PCSK5: variants seen among roughly 807,000 people sequenced by gnomAD.
The protein encoded by PCSK5 is prohormone convertase 5.
PCSK5 carries 129 observed loss-of-function variants against 233.2 expected under a neutral mutation model. The observed-to-expected ratio is 0.55, with a 90% CI of 0.48 to 0.64. The LOEUF (loss-of-function observed/expected upper bound fraction) is 0.64. Among genes scored for constraint, PCSK5 ranks in the 30% least tolerant of loss-of-function variants. The pLI, the probability that PCSK5 is intolerant of heterozygous loss-of-function variation, is 0.00. For missense variants in PCSK5, 2,076 were observed against 2,430.1 expected, an observed-to-expected ratio of 0.85 and a Z score of 3.06; for synonymous variants, 825 against 879.2, an observed-to-expected ratio of 0.94 and a Z score of 1.09.
chr9:76,323,397 G>T, intron 32 of PCSK5, 109 bp downstream of exon 32: 1 of 685,084 alleles, frequency 1.5e-6, no homozygotes, highest in South Asian at 1.9e-5. Context: ...TTTTGTTTTT[G>T]TTTTGGGACA....
chr9:75,978,887 T>TC (rs1226713284), intron 2 of PCSK5, among the ~76,000 whole-genome samples: 2 of 150,666 alleles, frequency 1.3e-5, no homozygotes, highest in African/African-American at 4.9e-5. Flanking sequence ...TTTCTTTTTT[T>TC]CTGAGATGGA....
chr9:75,894,582 A>G (rs1336095008), intron 1 of PCSK5, among the ~76,000 whole-genome samples: 2 of 152,224 alleles, frequency 1.3e-5, no homozygotes, highest in Non-Finnish European at 2.9e-5. Flanking sequence ...ATACTTAACC[A>G]TAATCATTGT....
At chr9:76,310,976 T>C (rs1828849949) in intron 30 of PCSK5, 125 bp downstream of exon 30, 1 of 648,572 alleles carries the variant, frequency 1.5e-6, no homozygotes, top group East Asian at 2.9e-5. Context: ...AAATGTCCTC[T>C]GTTGACTGAC....
chr9:76,216,914 C>G (rs1825554639), intron 20 of PCSK5, among the ~76,000 whole-genome samples: 1 of 152,172 alleles, frequency 6.6e-6, no homozygotes, highest in South Asian at 2.1e-4. Flanking sequence ...AATTTTGGCT[C>G]ACTGCAACCT....
At chr9:75,986,286 C>A in intron 3 of PCSK5, 41 bp downstream of exon 3, 1 of 1,159,564 alleles carries the variant, frequency 8.6e-7, no homozygotes, top group Non-Finnish European at 1.3e-6. Flanking sequence ...CCATGTCATC[C>A]GGTTTTGTGT....
At chr9:76,065,219 A>G (rs1032590340) in intron 5 of PCSK5, among the ~76,000 whole-genome samples, 19 of 152,340 alleles carry the variant, frequency 1.2e-4, no homozygotes, top group African/African-American at 4.1e-4. Flanking sequence ...GGGACCCGCC[A>G]TACTGTTTTC....
At chr9:76,244,887 A>G (rs1443667133) in intron 24 of PCSK5, among the ~76,000 whole-genome samples, 1 of 152,200 alleles carries the variant, frequency 6.6e-6, no homozygotes, top group Admixed American at 6.5e-5. Context: ...AACATTTTAT[A>G]TAATACTATT....
intron 2 of PCSK5, among the ~76,000 whole-genome samples, chr9:75,944,838 G>T (rs944877011): frequency 6.6e-6 from 1 of 152,134 alleles, no homozygotes; most frequent in African/African-American, 2.4e-5. Flanking sequence ...GTCCAGGCGC[G>T]GTGGCTCACG....
At chr9:76,054,073 G>T (rs1353482404) in intron 5 of PCSK5, among the ~76,000 whole-genome samples, 1 of 152,176 alleles carries the variant, frequency 6.6e-6, no homozygotes, top group African/African-American at 2.4e-5. Flanking sequence ...GAGAGCATGT[G>T]CAGGGAAACT....
chr9:75,986,710 C>T (rs1826532134), intron 3 of PCSK5, among the ~76,000 whole-genome samples: 1 of 152,164 alleles, frequency 6.6e-6, no homozygotes, highest in South Asian at 2.1e-4. Context: ...TGTGTGCACT[C>T]TCACTTTAGG....
rs1262895317 is a variant in PCSK5, at chr9:76,134,162, C to T, written c.1262C>T (p.Ala421Val). Residue 421 changes from alanine to valine, a missense_variant, in exon 10 of 38, where the codon GCG (alanine) becomes GTG (valine). Ala to Val is a moderately conservative substitution (Grantham distance 64). Coordinates refer to ENST00000674117, the MANE Select transcript of PCSK5 (RefSeq NM_001372043.1). The part of the protein sequence containing the change: ...VQHVIVRTSR[A>V]GHLNANDWKT... ...CATGTTATTGTCAGGACTTCCCGTG[C>T]GGGACATTTGAACGCTAATGACTGG... is the stretch of plus-strand genomic sequence containing the variant. 1.9e-6 allele frequency: 3 copies of T among 1,609,322 alleles called. No individual in the cohort carries two copies. The highest frequency in any genetic ancestry group is 2.2e-5 in the East Asian group (1 of 44,646).
intron 22 of PCSK5, among the ~76,000 whole-genome samples, chr9:76,238,557 C>G (rs1826322623): frequency 6.6e-6 from 1 of 152,214 alleles, no homozygotes; most frequent in African/African-American, 2.4e-5. Context: ...GATCATTATG[C>G]ATGTGTTTAT....
At chr9:76,252,707 C>A (rs1190713960) in intron 24 of PCSK5, among the ~76,000 whole-genome samples, 2 of 152,194 alleles carry the variant, frequency 1.3e-5, no homozygotes, top group African/African-American at 4.8e-5. Flanking sequence ...GACACCCTAA[C>A]CCTTTTCATC....
At chr9:75,894,698 T>C (rs933767285) in intron 1 of PCSK5, among the ~76,000 whole-genome samples, 14 of 152,094 alleles carry the variant, frequency 9.2e-5, no homozygotes, top group African/African-American at 2.9e-4. Context: ...GCCCTCTTAG[T>C]ATCTAGTGGA....
At chr9:76,292,200 T>A (rs775323555) in intron 24 of PCSK5, 33 bp from the exon 25 acceptor site, 1 of 1,321,122 alleles carries the variant, frequency 7.6e-7, no homozygotes. Context: ...GAATTCCTCA[T>A]GATTATTACT....
rs28634742 is a variant in PCSK5 at position 76,307,621 on chromosome 9, T to C, written c.3605-1024T>C. On this transcript the variant is annotated intron_variant, in intron 28 of 37. Coordinates refer to ENST00000674117, the MANE Select transcript of PCSK5 (RefSeq NM_001372043.1). ...GAAGGGAACACTTCCAATGTTTCCTTGGTTAATGGTATATTAACCTGGGAC... is the reference window on the plus strand; with the variant it reads ...GAAGGGAACACTTCCAATGTTTCCTCGGTTAATGGTATATTAACCTGGGAC... 8.3e-3 allele frequency among the ~76,000 whole-genome samples: 1,257 copies of C among 152,214 alleles called. 26 individuals carry two copies. Among genetic ancestry groups the C allele is most frequent in the African/African-American group, 0.029 (1,192 of 41,534 alleles).
At position 76,173,495 on chromosome 9, in the gene PCSK5, C is replaced by CTTTTT. The variant is rs1587715951; in HGVS notation, c.1757-1491_1757-1490insTTTTT. Among the ~76,000 whole-genome samples the CTTTTT allele has an allele frequency of 7.5e-4, 26 of 34,602 alleles. 1 individual carries two copies. The highest frequency in any genetic ancestry group is 2.7e-3 in the East Asian group (3 of 1,132). 22.7% of individuals were successfully genotyped at this position (34,602 alleles called of 152,430 possible). On this transcript the variant is annotated intron_variant, in intron 13 of 37. Coordinates refer to ENST00000674117, the MANE Select transcript of PCSK5 (RefSeq NM_001372043.1). ...ACTTTAATGAAATGGAGGCACGTTT[C>CTTTTT]CTTTTTTTTTTTTTTTTTTTTTTTT...
chr9:75,891,881 C>T (rs111229825), intron 1 of PCSK5, among the ~76,000 whole-genome samples: 1,951 of 151,256 alleles, frequency 0.013, 45 homozygotes, highest in African/African-American at 0.043. Context: ...GAACCTCTGG[C>T]GCTGGAGACT....
chr9:76,206,193 T>C (rs1825109554), intron 20 of PCSK5, among the ~76,000 whole-genome samples: 1 of 152,192 alleles, frequency 6.6e-6, no homozygotes, highest in African/African-American at 2.4e-5. Flanking sequence ...CAGTTGATGC[T>C]GATGCTGCTG....
Sources: allele counts gnomAD v4.1 joint callset (sites outside exome capture counted in the v4.1 genomes callset), GRCh38; gene constraint gnomAD v4.1.1; transcripts MANE v1.5; gene names NCBI Gene and HGNC (gene_info 2026-07-23, HGNC 2026-07-21).